The following GRIK4 variants were observed in gnomAD, a reference collection of about 807,000 sequenced individuals.
GRIK4 encodes glutamate receptor ionotropic, kainate 4.
A neutral mutation model predicts 104.9 loss-of-function variants in GRIK4; 40 were observed. The ratio of observed to expected loss-of-function variants is 0.38; its 90% CI spans 0.30 to 0.50. The LOEUF (loss-of-function observed/expected upper bound fraction) is 0.50. Ranked by LOEUF, GRIK4 falls within the 20% of genes least tolerant of loss-of-function variation. GRIK4 has a pLI of 0.93. For synonymous variants in GRIK4, 485 were observed against 524.9 expected (o/e 0.92, Z 1.04); for missense variants, 1,047 against 1,308.1 (o/e 0.80, Z 3.08).
intron 1 of GRIK4, among the ~76,000 whole-genome samples, chr11:120,603,012 T>C (rs1948907522): frequency 6.6e-6 from 1 of 152,156 alleles, no homozygotes; most frequent in African/African-American, 2.4e-5. Flanking sequence ...CAGTGTCTTA[T>C]TAATATTAGA....
chr11:120,879,735 G>A (rs1005879578), intron 11 of GRIK4, among the ~76,000 whole-genome samples: 1 of 152,148 alleles, frequency 6.6e-6, no homozygotes, highest in East Asian at 1.9e-4. Flanking sequence ...CATAGAAGTT[G>A]ACAGTATTGT....
chr11:120,876,728 A>G (rs1954830483), intron 11 of GRIK4, among the ~76,000 whole-genome samples: 1 of 152,176 alleles, frequency 6.6e-6, no homozygotes, highest in African/African-American at 2.4e-5. Context: ...ATCTACCTCT[A>G]AAGTCTAAGT....
In GRIK4 at chr11:120,905,424, G is replaced by A. The variant is rs972187815; in HGVS notation, c.1407G>A (p.Gly469=). 8.1e-6 allele frequency: 13 copies of A among 1,613,840 alleles called. No individual in the cohort carries two copies. In the Admixed American group the frequency reaches 1.8e-4, roughly 23 times the overall value. The change falls in exon 13 of 21, where the codon GGG becomes GGA. Residue 469 remains glycine, a synonymous_variant. Coordinates refer to ENST00000527524, the MANE Select transcript of GRIK4 (RefSeq NM_014619.5). The surrounding 1 kb of genome is among the most constrained non-coding windows in gnomAD (Gnocchi z 5.1). ...TCAACTACAAGATCCGCCTGGTTGG[G>A]GATGGCGTGTACGGCGTTCCCGAGG... ...LRFNYKIRLV[G]DGVYGVPEAN...
intron 3 of GRIK4, among the ~76,000 whole-genome samples, chr11:120,755,030 A>G (rs1951628678): frequency 6.6e-6 from 1 of 152,234 alleles, no homozygotes; most frequent in Admixed American, 6.5e-5. Context: ...CCGAACTGCA[A>G]ACGATGTCAG....
rs78288967 is a variant in GRIK4, at chr11:120,960,469, C to T, written c.1875-440C>T. Among the ~76,000 whole-genome samples the T allele has an allele frequency of 6.6e-5, 10 of 152,328 alleles. No individual in the cohort carries two copies. In the East Asian group the frequency reaches 1.9e-3, roughly 29 times the overall value. On this transcript the variant is annotated intron_variant, in intron 16 of 20. Transcript: ENST00000527524. ...ATTAAGTGAGATAGTGGATGTAGCTCGTGGTAGCTGCTCACTGCCTGGCGA... is the reference window on the plus strand; with the variant it reads ...ATTAAGTGAGATAGTGGATGTAGCTTGTGGTAGCTGCTCACTGCCTGGCGA...
intron 3 of GRIK4, among the ~76,000 whole-genome samples, chr11:120,795,000 C>T (rs1374735160): frequency 6.6e-6 from 1 of 152,060 alleles, no homozygotes; most frequent in Non-Finnish European, 1.5e-5. Context: ...GTAGCTGGGC[C>T]TCCGAGAGTG....
At chr11:120,653,861 A>G (rs1461288854) in intron 2 of GRIK4, 69 bp downstream of exon 2, 1 of 152,210 alleles carries the variant, frequency 6.6e-6, no homozygotes, top group East Asian at 1.9e-4. Flanking sequence ...GCTGCTCAAG[A>G]GCATTCATTG....
intron 1 of GRIK4, among the ~76,000 whole-genome samples, chr11:120,588,579 G>C (rs1310015936): frequency 6.6e-6 from 1 of 152,152 alleles, no homozygotes; most frequent in Non-Finnish European, 1.5e-5. Context: ...TCAGTGAGGG[G>C]TGGTGGCTGC....
intron 1 of GRIK4, among the ~76,000 whole-genome samples, chr11:120,618,369 A>G (rs1170789092): frequency 1.3e-5 from 2 of 152,248 alleles, no homozygotes; most frequent in Middle Eastern, 3.2e-3. Context: ...GCTGGAACTT[A>G]TATTTAAAAG....
intron 20 of GRIK4, among the ~76,000 whole-genome samples, chr11:120,985,250 T>C (rs1046113981): frequency 2.0e-5 from 3 of 152,220 alleles, no homozygotes; most frequent in Non-Finnish European, 4.4e-5. Flanking sequence ...TTGTGGCCTT[T>C]ATCTCACACG....
intron 3 of GRIK4, among the ~76,000 whole-genome samples, chr11:120,764,730 G>A (rs1387917234): frequency 6.6e-6 from 1 of 152,078 alleles, no homozygotes; most frequent in African/African-American, 2.4e-5. Context: ...AGTTTGGCTG[G>A]ATATGAAATT....
chr11:120,957,454 C>T (rs1028813033), intron 16 of GRIK4, among the ~76,000 whole-genome samples: 2 of 152,180 alleles, frequency 1.3e-5, no homozygotes, highest in African/African-American at 2.4e-5. Context: ...TGTGGGAAAA[C>T]GCAACTCTTG....
At chr11:120,622,057 C>A (rs1388842402) in intron 1 of GRIK4, among the ~76,000 whole-genome samples, 1 of 152,078 alleles carries the variant, frequency 6.6e-6, no homozygotes, top group African/African-American at 2.4e-5. Context: ...CCCGCCACCA[C>A]ACCCAGTTAA....
At chr11:120,980,099 G>T (rs1944626802) in intron 19 of GRIK4, among the ~76,000 whole-genome samples, 1 of 152,176 alleles carries the variant, frequency 6.6e-6, no homozygotes, top group South Asian at 2.1e-4. Flanking sequence ...GCCTCCCAAA[G>T]GGCTAGGATT....
chr11:120,810,040 G>A (rs1271168560), intron 4 of GRIK4, among the ~76,000 whole-genome samples: 1 of 152,204 alleles, frequency 6.6e-6, no homozygotes, highest in Non-Finnish European at 1.5e-5. Context: ...ACTCCAGCCT[G>A]AGTTACAAAG....
intron 15 of GRIK4, among the ~76,000 whole-genome samples, chr11:120,954,768 CCTCT>C (rs1380866274): frequency 6.8e-6 from 1 of 146,544 alleles, no homozygotes; most frequent in Non-Finnish European, 1.5e-5. Context: ...AACCATACGG[CCTCT>C]CTCTCTCACT....
chr11:120,974,648 G>C (rs192474811), intron 19 of GRIK4, among the ~76,000 whole-genome samples: 8 of 152,302 alleles, frequency 5.3e-5, no homozygotes, highest in Non-Finnish European at 1.0e-4. Context: ...ATGTGGTGAT[G>C]CCACCAATCC....
chr11:120,795,089 G>T (rs918980248), intron 3 of GRIK4, among the ~76,000 whole-genome samples: 13 of 152,114 alleles, frequency 8.5e-5, no homozygotes, highest in African/African-American at 3.1e-4. Context: ...TTAACACAGG[G>T]CTCTATCCGG....
intron 11 of GRIK4, among the ~76,000 whole-genome samples, chr11:120,885,962 GC>G (rs1451764909): frequency 6.6e-6 from 1 of 152,216 alleles, no homozygotes; most frequent in East Asian, 1.9e-4. Context: ...AGTGGTGAGG[GC>G]TAGACCAAAT....
Sources: allele counts gnomAD v4.1 joint callset (sites outside exome capture counted in the v4.1 genomes callset), GRCh38; gene constraint gnomAD v4.1.1; non-coding constraint Gnocchi (gnomAD v3.1); transcripts MANE v1.5; gene names NCBI Gene and HGNC (gene_info 2026-07-23, HGNC 2026-07-21).